Variants in ARMH3 observed in about 807,000 individuals in gnomAD.
The protein encoded by ARMH3 is armadillo-like helical domain-containing protein 3.
ARMH3 carries 60 observed loss-of-function variants against 99.1 expected under a neutral mutation model. The ratio of observed to expected loss-of-function variants is 0.61; its 90% CI spans 0.49 to 0.75. The LOEUF is 0.75. Ranked by LOEUF, ARMH3 falls within the 30% of genes least tolerant of loss-of-function variation. ARMH3 has a pLI of 0.00. For missense variants in ARMH3, 679 were observed against 843.1 expected (o/e 0.81, Z 2.41); for synonymous variants, 285 against 292.8 (o/e 0.97, Z 0.27).
At chr10:101,952,422 C>T (rs1372422184) in intron 22 of ARMH3, among the ~76,000 whole-genome samples, 1 of 151,676 alleles carries the variant, frequency 6.6e-6, no homozygotes, top group Non-Finnish European at 1.5e-5. Flanking sequence ...TAAGGAGTCA[C>T]GATGACTAAA....
At chr10:101,974,521 C>G (rs889478039) in intron 20 of ARMH3, among the ~76,000 whole-genome samples, 1 of 152,164 alleles carries the variant, frequency 6.6e-6, no homozygotes, top group African/African-American at 2.4e-5. Flanking sequence ...CTGAAACCTC[C>G]AACTTAGTCA....
In ARMH3 at chr10:102,009,452, A is replaced by G; in HGVS notation, c.879-3T>C. ...CCAGAAGAATGGCCTCATTGGTTCT[A>G]AAGAAAAAGAGAACAAATTGGAGCA... On this transcript the variant is annotated splice_polypyrimidine_tract_variant and splice_region_variant and intron_variant, in intron 12 of 25. Transcript: ENST00000370033. The G allele has an allele frequency of 6.2e-7, 1 of 1,612,838 alleles. No homozygotes were observed. Among genetic ancestry groups the G allele is most frequent in the Non-Finnish European group, 8.5e-7 (1 of 1,178,942 alleles).
rs10639768 is a variant in ARMH3, at chr10:102,007,159, CAAAAAAA to C, written c.955-533_955-527del. Among the ~76,000 whole-genome samples, 22 of 60,046 alleles carry C rather than the reference CAAAAAAA, an allele frequency of 3.7e-4. No individual in the cohort carries two copies. In the South Asian group the frequency reaches 0.013, roughly 37 times the overall value. 39.4% of individuals were successfully genotyped at this position (60,046 alleles called of 152,430 possible). ...CTGGTGACACAGCAAGACTCTATCT[CAAAAAAA>C]AAAAAAAAAAAAGAAAAAAAAAGCT... On this transcript the variant is annotated intron_variant, in intron 13 of 25. Transcript: ENST00000370033.
intron 2 of ARMH3, among the ~76,000 whole-genome samples, chr10:102,037,997 C>T (rs972520442): frequency 5.9e-5 from 9 of 151,522 alleles, no homozygotes; most frequent in African/African-American, 1.5e-4. Flanking sequence ...ACAAATGAAA[C>T]GGAGGGAATT....
chr10:101,946,849 A>T (rs1271429561), intron 22 of ARMH3, among the ~76,000 whole-genome samples: 1 of 151,942 alleles, frequency 6.6e-6, no homozygotes, highest in Admixed American at 6.6e-5. Context: ...TTGTGCATAG[A>T]TATATTACAA....
chr10:101,898,357 T>C (rs1298304853), intron 23 of ARMH3, among the ~76,000 whole-genome samples: 7 of 150,066 alleles, frequency 4.7e-5, no homozygotes, highest in Non-Finnish European at 8.9e-5. Flanking sequence ...GACCCAGTCT[T>C]AAGAAATAAA....
intron 5 of ARMH3, chr10:102,029,386 T>C (rs2136193350): frequency 7.4e-7 from 1 of 1,354,752 alleles, no homozygotes; most frequent in Non-Finnish European, 9.9e-7. Context: ...GATCATATGA[T>C]ACGAGTAATA....
At chr10:101,907,951 C>T (rs1464832800) in intron 23 of ARMH3, among the ~76,000 whole-genome samples, 2 of 152,174 alleles carry the variant, frequency 1.3e-5, no homozygotes, top group East Asian at 3.8e-4. Flanking sequence ...GTCAACCATC[C>T]TCATCCCTTG....
intron 18 of ARMH3, 110 bp from the exon 19 acceptor site, chr10:101,990,721 C>A: frequency 1.3e-6 from 1 of 772,244 alleles, no homozygotes. Flanking sequence ...TGAACGGCAT[C>A]CACTAACCAC....
At chr10:102,000,338 A>G (rs1042824002) in intron 15 of ARMH3, among the ~76,000 whole-genome samples, 6 of 152,156 alleles carry the variant, frequency 3.9e-5, no homozygotes, top group Non-Finnish European at 5.9e-5. Context: ...TATTCCACTT[A>G]TATCAGGTTC....
chr10:101,992,551 A>G (rs1027245696), intron 17 of ARMH3, among the ~76,000 whole-genome samples: 1 of 151,590 alleles, frequency 6.6e-6, no homozygotes, highest in African/African-American at 2.4e-5. Context: ...GCTGGAGTGA[A>G]GTGGCACGAT....
chr10:102,009,914 C>T, intron 12 of ARMH3, 63 bp downstream of exon 12: 1 of 1,466,440 alleles, frequency 6.8e-7, no homozygotes, highest in East Asian at 2.3e-5. Context: ...TGCACACTCT[C>T]ATATCCAGCA....
intron 20 of ARMH3, among the ~76,000 whole-genome samples, chr10:101,969,097 C>T (rs979240788): frequency 2.0e-5 from 3 of 152,106 alleles, no homozygotes; most frequent in Admixed American, 2.0e-4. Context: ...ATAGAAATAG[C>T]AGCTGCCAAA....
intron 14 of ARMH3, among the ~76,000 whole-genome samples, chr10:102,003,004 A>T (rs1367501067): frequency 2.9e-5 from 4 of 137,326 alleles, no homozygotes; most frequent in South Asian, 2.4e-4. Context: ...AATAAATAAA[A>T]ACAGATGAAC....
chr10:101,983,552 A>G (rs1263620766), intron 19 of ARMH3, among the ~76,000 whole-genome samples: 2 of 152,178 alleles, frequency 1.3e-5, no homozygotes, highest in Admixed American at 1.3e-4. Flanking sequence ...AACCATGGCC[A>G]GCCAATGGTT....
intron 23 of ARMH3, among the ~76,000 whole-genome samples, chr10:101,928,617 T>TC (rs1843596968): frequency 6.6e-6 from 1 of 151,964 alleles, no homozygotes; most frequent in Non-Finnish European, 1.5e-5. Flanking sequence ...CGCAATGAGC[T>TC]ATGATTATGC....
At chr10:102,041,075 C>CATAT (rs59281655) in intron 1 of ARMH3, among the ~76,000 whole-genome samples, 145 of 132,002 alleles carry the variant, frequency 1.1e-3, no homozygotes, top group East Asian at 4.1e-3. Flanking sequence ...ATTGTGTGTA[C>CATAT]ATATATATAT....
rs1436087829 is a variant in ARMH3, at chr10:101,878,207, G to A, written c.1860+11205C>T. 2.0e-5 allele frequency among the ~76,000 whole-genome samples: 3 copies of A among 152,270 alleles called. No individual in the cohort carries two copies. The East Asian group carries it at 5.8e-4, about 29-fold the overall frequency. ...CAGGAGGCAGAGGTTGCAGTGAGCAGAGATCACGCCACTGCCCTCTGGCCT... is the reference window on the plus strand; with the variant it reads ...CAGGAGGCAGAGGTTGCAGTGAGCAAAGATCACGCCACTGCCCTCTGGCCT... On this transcript the variant is annotated intron_variant, in intron 24 of 25. Coordinates refer to ENST00000370033, the MANE Select transcript of ARMH3 (RefSeq NM_024541.3).
rs1262432696 is a variant in ARMH3 at position 102,025,262 on chromosome 10, C to G, written c.415-14G>C. 1.2e-6 allele frequency: 2 copies of G among 1,606,522 alleles called. No individual in the cohort carries two copies. The highest frequency in any genetic ancestry group is 2.2e-5 in the South Asian group (2 of 90,934). On this transcript the variant is annotated splice_polypyrimidine_tract_variant and intron_variant, in intron 5 of 25. Coordinates refer to ENST00000370033, the MANE Select transcript of ARMH3 (RefSeq NM_024541.3). ...CTCCATCAAGTTCTGAGAAAGAGAACCAATAAGCATTAAACCATACCAGAT... is the reference window on the plus strand; with the variant it reads ...CTCCATCAAGTTCTGAGAAAGAGAAGCAATAAGCATTAAACCATACCAGAT...
Sources: allele counts gnomAD v4.1 joint callset (sites outside exome capture counted in the v4.1 genomes callset), GRCh38; gene constraint gnomAD v4.1.1; transcripts MANE v1.5; gene names NCBI Gene and HGNC (gene_info 2026-07-23, HGNC 2026-07-21).